The following MAPKAP1 variants were observed in gnomAD, a reference collection of about 807,000 sequenced individuals.
MAPKAP1 encodes target of rapamycin complex 2 subunit MAPKAP1.
A neutral mutation model predicts 65.7 loss-of-function variants in MAPKAP1; 20 were observed. The observed-to-expected ratio is 0.30, with a 90% confidence interval of 0.21 to 0.44. MAPKAP1 has a LOEUF of 0.44. Ranked by LOEUF, MAPKAP1 falls within the 20% of genes least tolerant of loss-of-function variation. The pLI is 1.00. For missense variants in MAPKAP1, 423 were observed against 648.0 expected, an observed-to-expected ratio of 0.65 and a Z score of 3.77; for synonymous variants, 222 against 244.3, an observed-to-expected ratio of 0.91 and a Z score of 0.85.
chr9:125,554,396 AG>A (rs1830674119), intron 6 of MAPKAP1, among the ~76,000 whole-genome samples: 1 of 152,230 alleles, frequency 6.6e-6, no homozygotes, highest in African/African-American at 2.4e-5. Context: ...GGTGAGCATC[AG>A]GGAGTGCTCA....
rs140462513 is a variant in MAPKAP1 at position 125,587,602 on chromosome 9, G to A, written c.499-1875C>T. On this transcript the variant is annotated intron_variant, in intron 4 of 11. Coordinates refer to ENST00000265960, the MANE Select transcript of MAPKAP1 (RefSeq NM_001006617.3). ...AACAAACAAACAAACAAACTTTTGTGCCTAAAGGATACTATCAAGATAGTA... is the reference window on the plus strand; with the variant it reads ...AACAAACAAACAAACAAACTTTTGTACCTAAAGGATACTATCAAGATAGTA... Among the ~76,000 whole-genome samples the A allele has an allele frequency of 8.0e-4, 121 of 151,994 alleles. 3 individuals carry two copies. In the East Asian group the frequency reaches 0.02, roughly 25 times the overall value.
At chr9:125,494,024 C>A (rs1423118155) in intron 8 of MAPKAP1, among the ~76,000 whole-genome samples, 3 of 152,202 alleles carry the variant, frequency 2.0e-5, no homozygotes, top group Admixed American at 2.0e-4. Flanking sequence ...AGAACACAGT[C>A]ACGCCTGGCC....
In MAPKAP1 at chr9:125,464,204, T is replaced by TAAAA. The variant is rs57497941; in HGVS notation, c.1345+3764_1345+3767dup. On this transcript the variant is annotated intron_variant, in intron 10 of 11. Coordinates refer to ENST00000265960, the MANE Select transcript of MAPKAP1 (RefSeq NM_001006617.3). The stretch of plus-strand genomic sequence containing the variant: ...CACAGTGAGACCCTGTCTCATATAT[T>TAAAA]AAAAAAAAAAAAAAAAAAAAAAAAA... Among the ~76,000 whole-genome samples, 64 of 83,326 alleles carry TAAAA rather than the reference T, an allele frequency of 7.7e-4. 1 individual carries two copies. Among genetic ancestry groups the TAAAA allele is most frequent in the Non-Finnish European group, 1.3e-3 (56 of 43,250 alleles). 54.7% of individuals were successfully genotyped at this position (83,326 alleles called of 152,430 possible).
intron 8 of MAPKAP1, among the ~76,000 whole-genome samples, chr9:125,489,244 T>C (rs1005121743): frequency 2.6e-5 from 4 of 152,186 alleles, no homozygotes; most frequent in African/African-American, 4.8e-5. Flanking sequence ...TTTGTTAAAT[T>C]AGCAAATAAA....
intron 4 of MAPKAP1, among the ~76,000 whole-genome samples, chr9:125,597,033 C>A (rs556126851): frequency 1.3e-5 from 2 of 149,138 alleles, no homozygotes; most frequent in African/African-American, 2.5e-5. Context: ...GAGGCCAAGG[C>A]GGGCAGATCA....
chr9:125,545,600 C>T lies in MAPKAP1; in HGVS notation c.849-2432G>A, dbSNP rs150210383. Reference sequence around the variant, plus strand: ...GTCTGCTTAGAAACTGCTTACGTTCCCTCCTAATCTGCTGCCGGCTGACAG... The same window carrying T: ...GTCTGCTTAGAAACTGCTTACGTTCTCTCCTAATCTGCTGCCGGCTGACAG... On this transcript the variant is annotated intron_variant, in intron 6 of 11. Coordinates refer to ENST00000265960, the MANE Select transcript of MAPKAP1 (RefSeq NM_001006617.3). 3.1e-3 allele frequency among the ~76,000 whole-genome samples: 474 copies of T among 152,288 alleles called. 2 individuals carry two copies. The highest frequency in any genetic ancestry group is 6.8e-3 in the Middle Eastern group (2 of 294).
intron 1 of MAPKAP1, among the ~76,000 whole-genome samples, chr9:125,692,493 G>A (rs117600901): frequency 6.6e-6 from 1 of 152,314 alleles, no homozygotes; most frequent in Non-Finnish European, 1.5e-5. Flanking sequence ...AGCAGCAGGA[G>A]GAGGAAAAGT....
Position 125,439,045 on chromosome 9 carries a change from G to A in MAPKAP1, c.1444-33C>T. 1.2e-6 allele frequency: 2 copies of A among 1,608,368 alleles called. No homozygotes were observed. Among genetic ancestry groups the A allele is most frequent in the Non-Finnish European group, 1.7e-6 (2 of 1,177,494 alleles). On this transcript the variant is annotated intron_variant, in intron 11 of 11. Transcript: ENST00000265960. The surrounding 1 kb of genome is among the most constrained non-coding windows in gnomAD (Gnocchi z 4.0). The stretch of plus-strand genomic sequence containing the variant: ...CAAGAGCACACAGCCCGGTCACCTT[G>A]CCAGCCGCTCCCTACCCACCCAGGG...
intron 5 of MAPKAP1, among the ~76,000 whole-genome samples, chr9:125,572,377 G>A (rs1278421746): frequency 2.6e-5 from 4 of 152,240 alleles, no homozygotes; most frequent in African/African-American, 9.6e-5. Flanking sequence ...TTTTAAAAGA[G>A]GCTATGTGAA....
chr9:125,604,253 AAC>A (rs1338056251), intron 4 of MAPKAP1, among the ~76,000 whole-genome samples: 2 of 152,260 alleles, frequency 1.3e-5, no homozygotes, highest in East Asian at 1.9e-4. Flanking sequence ...ATGTAAATAA[AAC>A]ACTTTATCAA....
At chr9:125,654,669 A>C (rs986400147) in intron 4 of MAPKAP1, among the ~76,000 whole-genome samples, 1 of 152,144 alleles carries the variant, frequency 6.6e-6, no homozygotes, top group Non-Finnish European at 1.5e-5. Flanking sequence ...AGGAACCAAA[A>C]ATTACTTGGA....
At chr9:125,561,292 G>T (rs370093424) in intron 5 of MAPKAP1, among the ~76,000 whole-genome samples, 1 of 152,102 alleles carries the variant, frequency 6.6e-6, no homozygotes. Context: ...TCTGCTTATT[G>T]CAAGAGAGGG....
At chr9:125,529,212 G>T (rs888588015) in intron 7 of MAPKAP1, among the ~76,000 whole-genome samples, 82 of 147,004 alleles carry the variant, frequency 5.6e-4, no homozygotes, top group South Asian at 3.2e-3. Flanking sequence ...AAAGAAAAAA[G>T]AAAAGAAAAT....
intron 3 of MAPKAP1, 148 bp from the exon 4 acceptor site, chr9:125,657,947 C>G (rs925320460): frequency 1.4e-6 from 1 of 712,354 alleles, no homozygotes; most frequent in African/African-American, 1.8e-5. Flanking sequence ...CACAATATAC[C>G]GTGCACTGAA....
chr9:125,495,583 A>G (rs1854914302), intron 8 of MAPKAP1, among the ~76,000 whole-genome samples: 1 of 152,230 alleles, frequency 6.6e-6, no homozygotes, highest in African/African-American at 2.4e-5. Context: ...CAATTTTAAT[A>G]TATTAAGACC....
chr9:125,702,640 T>C (rs192477922), intron 1 of MAPKAP1, among the ~76,000 whole-genome samples: 1 of 151,788 alleles, frequency 6.6e-6, no homozygotes, highest in African/African-American at 2.4e-5. Flanking sequence ...TCACTTGAGG[T>C]CAAGAGTTCA....
At chr9:125,483,148 T>C (rs899372356) in intron 9 of MAPKAP1, among the ~76,000 whole-genome samples, 1 of 152,116 alleles carries the variant, frequency 6.6e-6, no homozygotes, top group African/African-American at 2.4e-5. Flanking sequence ...ACTCAGTGCT[T>C]TACATGTGGG....
chr9:125,515,360 C>A (rs141425299), intron 7 of MAPKAP1, among the ~76,000 whole-genome samples: 1 of 152,296 alleles, frequency 6.6e-6, no homozygotes, highest in African/African-American at 2.4e-5. Context: ...TAGAAAAAGG[C>A]CCATTCCAAC....
In MAPKAP1 at chr9:125,438,812, C is replaced by G; in HGVS notation, c.*75G>C. The G allele has an allele frequency of 6.3e-7, 1 of 1,590,964 alleles. No homozygotes were observed. Among genetic ancestry groups the G allele is most frequent in the Non-Finnish European group, 8.6e-7 (1 of 1,165,282 alleles). ...CCTCCCCCCGAGGACTTCAGGACAC[C>G]GGGTGGACTCTAGGGCACTTGGCCC... On this transcript the variant is annotated 3_prime_UTR_variant, in exon 12 of 12. Transcript: ENST00000265960.
Sources: allele counts gnomAD v4.1 joint callset (sites outside exome capture counted in the v4.1 genomes callset), GRCh38; gene constraint gnomAD v4.1.1; non-coding constraint Gnocchi (gnomAD v3.1); transcripts MANE v1.5; gene names NCBI Gene and HGNC (gene_info 2026-07-23, HGNC 2026-07-21).